Variants in CUX1 observed in about 807,000 individuals in gnomAD.
CUX1 encodes the protein cut like homeobox 1, also known as protein CASP.
Under a neutral mutation model 158.8 loss-of-function variants are expected in CUX1, and 31 were observed. The ratio of observed to expected loss-of-function variants is 0.20; its 90% confidence interval spans 0.15 to 0.26. The LOEUF (loss-of-function observed/expected upper bound fraction) is 0.26, where lower values mean the gene tolerates loss of function less well. CUX1 is among the 10% of genes least tolerant of loss of function. The probability of loss-of-function intolerance (pLI) is 1.00; values close to 1 mark genes in which losing one functional copy is unlikely to be tolerated. For missense variants in CUX1, 1,589 were observed against 2,014.6 expected, an observed-to-expected ratio of 0.79 and a Z score of 4.04; for synonymous variants, 879 against 862.1, an observed-to-expected ratio of 1.02 and a Z score of -0.34.
chr7:102,045,583 C>G (rs200042086), intron 3 of CUX1, among the ~76,000 whole-genome samples: 1 of 150,198 alleles, frequency 6.7e-6, no homozygotes, highest in African/African-American at 2.4e-5. Context: ...TTGAAAACAA[C>G]GGCAAGCTGG....
At chr7:102,031,341 G>C (rs1293303489) in intron 3 of CUX1, among the ~76,000 whole-genome samples, 4 of 152,160 alleles carry the variant, frequency 2.6e-5, no homozygotes, top group South Asian at 2.1e-4. Flanking sequence ...GGGATTACAG[G>C]CATGAGCCAC....
At chr7:101,817,306 C>G, upstream of CUX1, 1 of 984,552 alleles carries the variant, frequency 1.0e-6, no homozygotes, top group Non-Finnish European at 1.2e-6. The surrounding 1 kb of genome is among the most constrained non-coding windows in gnomAD (Gnocchi z 4.1). Flanking sequence ...CCTTGCGTCC[C>G]CTCGGGGCTT....
At chr7:101,993,325 G>A (rs1190906209) in intron 2 of CUX1, among the ~76,000 whole-genome samples, 4 of 145,376 alleles carry the variant, frequency 2.8e-5, no homozygotes, top group South Asian at 2.1e-4. Flanking sequence ...GTGTGACTCC[G>A]TCTCAAAAAT....
At chr7:102,281,905 C>G in exon 21 of CUX1, 1 of 1,612,020 alleles carries the variant, frequency 6.2e-7, no homozygotes, top group African/African-American at 1.3e-5. Flanking sequence ...TGTTCCTGCA[C>G]TGCCTGGTCT....
chr7:101,970,177 A>G (rs1466976730), intron 2 of CUX1, among the ~76,000 whole-genome samples: 1 of 152,108 alleles, frequency 6.6e-6, no homozygotes. Context: ...TTATTCTCTT[A>G]GCAAACGTTG....
rs1554541971 is a variant in CUX1 at position 102,256,262 on chromosome 7, C to G, written c.*7220C>G. 3.0e-6 allele frequency: 3 copies of G among 985,280 alleles called. No individual in the cohort carries two copies. The highest frequency in any genetic ancestry group is 5.2e-4 in the Middle Eastern group (1 of 1,936). The allele number at this position is 985,280 out of a possible 1,614,324, so 61.0% of individuals were successfully genotyped here. A position where few individuals can be genotyped will look rare whatever the true frequency, so the allele number is the denominator to read the frequency against. ...TTGTCTTGTTGAAATGGACTGACTG[C>G]TACTGACCTGCCGGCGTGCGTGAGG... is the stretch of plus-strand genomic sequence containing the variant. On this transcript the variant is annotated 3_prime_UTR_variant, in exon 24 of 24. Transcript: ENST00000292535.
intron 21 of CUX1, among the ~76,000 whole-genome samples, chr7:102,282,120 C>T (rs1446872066): frequency 2.0e-5 from 3 of 152,186 alleles, no homozygotes; most frequent in African/African-American, 7.2e-5. Flanking sequence ...GACCTCTGGC[C>T]AGGGCACCAG....
intron 1 of CUX1, among the ~76,000 whole-genome samples, chr7:101,900,473 T>G (rs934999756): frequency 6.6e-6 from 1 of 152,200 alleles, no homozygotes; most frequent in Non-Finnish European, 1.5e-5. Flanking sequence ...CCGAAAATCT[T>G]GAAAATTAAC....
At chr7:101,995,718 G>A (rs1040294244) in intron 2 of CUX1, among the ~76,000 whole-genome samples, 12 of 152,222 alleles carry the variant, frequency 7.9e-5, no homozygotes, top group African/African-American at 2.7e-4. Context: ...CCATAGGGGC[G>A]TCTGCTTAGC....
intron 4 of CUX1, 81 bp downstream of exon 4, chr7:102,070,498 C>T: frequency 9.4e-7 from 1 of 1,065,100 alleles, no homozygotes; most frequent in Non-Finnish European, 1.4e-6. Flanking sequence ...TTCTTCTTGG[C>T]TTTCCTAAGG....
At position 101,869,958 on chromosome 7, in the gene CUX1, G is replaced by A. The variant is rs1351274753; in HGVS notation, c.31-46157G>A. ...GCAGAACCACCACCCTTGGGAAGGCGGCTCCTCGTGCCCCCCCTCTTGTGC... is the reference window on the plus strand; with the variant it reads ...GCAGAACCACCACCCTTGGGAAGGCAGCTCCTCGTGCCCCCCCTCTTGTGC... On this transcript the variant is annotated intron_variant, in intron 1 of 23. Coordinates refer to ENST00000292535, the MANE Select transcript of CUX1 (RefSeq NM_181552.4). The surrounding 1 kb of genome is among the most constrained non-coding windows in gnomAD (Gnocchi z 4.5). Among the ~76,000 whole-genome samples the A allele has an allele frequency of 1.3e-5, 2 of 151,892 alleles. No individual in the cohort carries two copies. Among genetic ancestry groups the A allele is most frequent in the Non-Finnish European group, 2.9e-5 (2 of 67,980 alleles).
intron 2 of CUX1, among the ~76,000 whole-genome samples, chr7:101,972,104 C>T (rs1264979368): frequency 6.6e-6 from 1 of 152,138 alleles, no homozygotes; most frequent in Non-Finnish European, 1.5e-5. Context: ...GACGCTGGGA[C>T]TACAGGCGCC....
chr7:102,274,500 C>T (rs991982943), intron 16 of CUX1, among the ~76,000 whole-genome samples: 28 of 152,334 alleles, frequency 1.8e-4, no homozygotes, highest in East Asian at 3.9e-4. Context: ...CCTATAGTCC[C>T]GGCTACTTTG....
intron 22 of CUX1, among the ~76,000 whole-genome samples, chr7:102,238,426 C>T (rs886529981): frequency 6.6e-6 from 1 of 152,172 alleles, no homozygotes; most frequent in African/African-American, 2.4e-5. Flanking sequence ...CCCTCATCTC[C>T]TATCTCTGTA....
intron 1 of CUX1, among the ~76,000 whole-genome samples, chr7:101,878,456 G>T (rs538295311): frequency 7.9e-5 from 12 of 152,178 alleles, no homozygotes; most frequent in Non-Finnish European, 1.8e-4. Context: ...GGTGTGGCTG[G>T]GGCCAAGTTG....
rs150584191 is a variant in CUX1 at position 102,147,008 on chromosome 7, G to A, written c.675-11552G>A. The stretch of plus-strand genomic sequence containing the variant: ...AGCAGACAGAGGTGACATCCTGGCC[G>A]TTTAACTGTCTCTCGGCACAGTGTT... On this transcript the variant is annotated intron_variant, in intron 8 of 23. Transcript: ENST00000292535. Among the ~76,000 whole-genome samples the A allele has an allele frequency of 2.1e-3, 314 of 152,256 alleles. 2 individuals are homozygous for A. The highest frequency in any genetic ancestry group is 7.2e-3 in the African/African-American group (299 of 41,548).
chr7:102,278,914 C>A (rs925696734), intron 18 of CUX1, among the ~76,000 whole-genome samples: 7 of 151,834 alleles, frequency 4.6e-5, no homozygotes, highest in Non-Finnish European at 1.0e-4. Context: ...GTGGCACGTG[C>A]CTGTAGTCCC....
At chr7:102,032,670 CTAAATAAATAAA>C (rs36138259) in intron 3 of CUX1, among the ~76,000 whole-genome samples, 1 of 149,954 alleles carries the variant, frequency 6.7e-6, no homozygotes, top group Middle Eastern at 3.4e-3. Flanking sequence ...GAGACTCCGT[CTAAATAAATAAA>C]TAAATAAATA....
At position 101,817,852 on chromosome 7, in the gene CUX1, T is replaced by G. The variant is rs1414752840; in HGVS notation, c.30+183T>G. The stretch of plus-strand genomic sequence containing the variant: ...CTACTCCCAACTGCTAAGGTGTGCG[T>G]GAAGATAAACTTGGCTGAACTTTCC... On this transcript the variant is annotated intron_variant, in intron 1 of 23. Transcript: ENST00000292535. This position sits in a 1 kb window ranked among gnomAD's most constrained non-coding sequence, Gnocchi z 4.1. Among the ~76,000 whole-genome samples, 2 of 152,152 alleles carry G rather than the reference T, an allele frequency of 1.3e-5. No homozygotes were observed. The highest frequency in any genetic ancestry group is 4.8e-5 in the African/African-American group (2 of 41,440).
Sources: allele counts gnomAD v4.1 joint callset (sites outside exome capture counted in the v4.1 genomes callset), GRCh38; gene constraint gnomAD v4.1.1; non-coding constraint Gnocchi (gnomAD v3.1); transcripts MANE v1.5; gene names NCBI Gene and HGNC (gene_info 2026-07-23, HGNC 2026-07-21).